ABTB2: variants seen among roughly 807,000 people sequenced by gnomAD.
ABTB2 encodes the protein ankyrin repeat and BTB/POZ domain-containing protein 2.
A neutral mutation model predicts 104.1 loss-of-function variants in ABTB2; 56 were observed. The observed-to-expected ratio is 0.54, with a 90% CI of 0.43 to 0.67. The LOEUF is 0.67. ABTB2 is among the 30% of genes least tolerant of loss of function. The pLI, the probability that ABTB2 is intolerant of heterozygous loss-of-function variation, is 0.00. For missense variants in ABTB2, 1,279 were observed against 1,407.7 expected, an observed-to-expected ratio of 0.91 and a Z score of 1.46; for synonymous variants, 606 against 608.2, an observed-to-expected ratio of 1.00 and a Z score of 0.05.
chr11:34,316,933 G>C (rs138579897), intron 1 of ABTB2, among the ~76,000 whole-genome samples: 1 of 152,162 alleles, frequency 6.6e-6, no homozygotes, highest in East Asian at 1.9e-4. Flanking sequence ...GAGGCACATG[G>C]GAAAGAACAG....
At chr11:34,273,996 C>T (rs1854351782) in intron 1 of ABTB2, among the ~76,000 whole-genome samples, 1 of 149,364 alleles carries the variant, frequency 6.7e-6, no homozygotes, top group Non-Finnish European at 1.5e-5. Flanking sequence ...ACTAAAAATA[C>T]AAAAAATTAG....
At chr11:34,347,644 T>G (rs1855349361) in intron 1 of ABTB2, among the ~76,000 whole-genome samples, 1 of 152,180 alleles carries the variant, frequency 6.6e-6, no homozygotes, top group African/African-American at 2.4e-5. Context: ...TATCACATTT[T>G]ATTATTATCA....
chr11:34,350,547 A>G (rs10768064), intron 1 of ABTB2, among the ~76,000 whole-genome samples: 23,933 of 152,020 alleles, frequency 0.16, 3,293 homozygotes, highest in African/African-American at 0.36. Context: ...AATCAGTGGC[A>G]CCTCTAGGGT....
intron 1 of ABTB2, among the ~76,000 whole-genome samples, chr11:34,266,655 C>T (rs1455118623): frequency 2.0e-5 from 3 of 152,174 alleles, no homozygotes; most frequent in African/African-American, 4.8e-5. Flanking sequence ...AAGACTGTTA[C>T]AGAACATTCA....
intron 1 of ABTB2, among the ~76,000 whole-genome samples, chr11:34,314,278 G>C (rs923457384): frequency 6.6e-6 from 1 of 152,144 alleles, no homozygotes; most frequent in Non-Finnish European, 1.5e-5. Flanking sequence ...TGTTCTTCTC[G>C]GATATGCTGA....
At chr11:34,327,235 C>G (rs1855079972) in intron 1 of ABTB2, among the ~76,000 whole-genome samples, 2 of 152,174 alleles carry the variant, frequency 1.3e-5, no homozygotes, top group Non-Finnish European at 2.9e-5. Context: ...GCAAACGTAT[C>G]AAAAGAAAGC....
intron 3 of ABTB2, among the ~76,000 whole-genome samples, chr11:34,187,293 G>T (rs182744744): frequency 3.9e-5 from 6 of 152,192 alleles, no homozygotes; most frequent in Admixed American, 3.9e-4. Context: ...ACCAGCAGGC[G>T]TGGGGCCAGG....
chr11:34,274,116 C>T (rs1854353586), intron 1 of ABTB2, among the ~76,000 whole-genome samples: 1 of 125,980 alleles, frequency 7.9e-6, no homozygotes, highest in East Asian at 2.3e-4. Context: ...TGCGCCACTG[C>T]AGTCCGCAGT....
At position 34,197,545 on chromosome 11, in the gene ABTB2, G is replaced by C; in HGVS notation, c.1031-7C>G. 6.4e-7 allele frequency: 1 copy of C among 1,563,976 alleles called. No homozygotes were observed. The highest frequency in any genetic ancestry group is 8.6e-7 in the Non-Finnish European group (1 of 1,160,478). On this transcript the variant is annotated splice_region_variant and splice_polypyrimidine_tract_variant and intron_variant, in intron 2 of 16. Coordinates refer to ENST00000435224, the MANE Select transcript of ABTB2 (RefSeq NM_145804.3). The stretch of plus-strand genomic sequence containing the variant: ...GCACGGGAGACCAAGTCACCTGGTG[G>C]GGGGCGGGGAGGGCAGAGGGGAGGA...
chr11:34,223,979 G>A (rs565653701), intron 1 of ABTB2, among the ~76,000 whole-genome samples: 61 of 152,238 alleles, frequency 4.0e-4, no homozygotes, highest in African/African-American at 1.4e-3. Context: ...GGTATGCTGT[G>A]TTTGTGTCCA....
At chr11:34,260,414 C>G (rs1453382111) in intron 1 of ABTB2, among the ~76,000 whole-genome samples, 1 of 152,202 alleles carries the variant, frequency 6.6e-6, no homozygotes, top group East Asian at 1.9e-4. Flanking sequence ...ATAATAAACA[C>G]AGAAGGTCCC....
At position 34,356,724 on chromosome 11, in the gene ABTB2, A is replaced by T. The variant is rs541918542; in HGVS notation, c.860T>A (p.Leu287His). 1.9e-6 allele frequency: 3 copies of T among 1,597,512 alleles called. No individual in the cohort carries two copies. Among genetic ancestry groups the T allele is most frequent in the East Asian group, 4.5e-5 (2 of 44,344 alleles). Residue 287 changes from leucine to histidine, a missense_variant, in exon 1 of 17, where the codon CTC (leucine) becomes CAC (histidine). Transcript: ENST00000435224. This position sits in a 1 kb window ranked among gnomAD's most constrained non-coding sequence, Gnocchi z 4.6. ...ACCATTGGCGTTCTTGCCGCAGATG[A>T]GATGCTCATAGGGCTGCAAGACGCC... ...LWGVLQPYEH[L>H]ICGKNANGVL...
chr11:34,354,738 G>A (rs544145558), intron 1 of ABTB2, among the ~76,000 whole-genome samples: 34 of 152,300 alleles, frequency 2.2e-4, no homozygotes, highest in African/African-American at 7.7e-4. Context: ...CACCTGTTCT[G>A]CATGAATATA....
chr11:34,226,611 G>A lies in ABTB2; in HGVS notation c.884-21921C>T, dbSNP rs571622536. Among the ~76,000 whole-genome samples, 3 of 152,324 alleles carry A rather than the reference G, an allele frequency of 2.0e-5. No homozygotes were observed. The South Asian group carries it at 6.2e-4, about 32-fold the overall frequency. On this transcript the variant is annotated intron_variant, in intron 1 of 16. Coordinates refer to ENST00000435224, the MANE Select transcript of ABTB2 (RefSeq NM_145804.3). ...CCAGTATAGAGAAACTGGGCTCAGC[G>A]TTCATGAGTCCAAGTAGGCTGTTTT...
intron 1 of ABTB2, among the ~76,000 whole-genome samples, chr11:34,292,997 G>A (rs1854579587): frequency 6.6e-6 from 1 of 152,170 alleles, no homozygotes; most frequent in South Asian, 2.1e-4. Flanking sequence ...CTCTGGTTTT[G>A]AGGAGCAAGA....
intron 1 of ABTB2, among the ~76,000 whole-genome samples, chr11:34,234,481 G>T (rs962654085): frequency 6.6e-6 from 1 of 152,226 alleles, no homozygotes; most frequent in East Asian, 1.9e-4. Flanking sequence ...TCACACCCAG[G>T]GTCCCAGGGT....
chr11:34,327,755 G>C (rs763005336), intron 1 of ABTB2, among the ~76,000 whole-genome samples: 5 of 152,176 alleles, frequency 3.3e-5, no homozygotes, highest in Non-Finnish European at 7.3e-5. Flanking sequence ...TCTCCCAAGA[G>C]AAACTTACAG....
rs148689970 is a variant in ABTB2, at chr11:34,250,680, A to G, written c.884-45990T>C. Among the ~76,000 whole-genome samples, 27 of 152,306 alleles carry G rather than the reference A, an allele frequency of 1.8e-4. No individual in the cohort carries two copies. The East Asian group carries it at 4.6e-3, about 26-fold the overall frequency. On this transcript the variant is annotated intron_variant, in intron 1 of 16. Coordinates refer to ENST00000435224, the MANE Select transcript of ABTB2 (RefSeq NM_145804.3). ...CTAGTCTCCAGAGCAATTCCTCCCA[A>G]TCCTCAGAAGCCTTCACTAAGTTTC...
intron 2 of ABTB2, 119 bp from the exon 3 acceptor site, chr11:34,197,657 A>G (rs1853279301): frequency 1.4e-6 from 1 of 728,530 alleles, no homozygotes; most frequent in African/African-American, 1.8e-5. Flanking sequence ...CTTAGTGCAT[A>G]ATTACTGTTT....
Sources: gnomAD v4.1 joint callset for allele counts (sites outside exome capture counted in the v4.1 genomes callset) on GRCh38, gnomAD v4.1.1 for gene constraint, Gnocchi (gnomAD v3.1) non-coding constraint, MANE v1.5 for transcripts, NCBI Gene and HGNC (gene_info 2026-07-23, HGNC 2026-07-21) for gene names.